ATP2C2: variants seen among roughly 807,000 people sequenced by gnomAD.
The protein encoded by ATP2C2 is calcium-transporting ATPase type 2C member 2.
In ATP2C2, 171 loss-of-function variants were observed where a neutral mutation model predicts 110.8. The observed-to-expected ratio is 1.54, with a 90% CI of 1.36 to 1.75. The LOEUF (loss-of-function observed/expected upper bound fraction) is 1.75. Ranked by LOEUF, ATP2C2 falls within the 40% of genes most tolerant of loss-of-function variation. ATP2C2 has a pLI of 0.00. For synonymous variants in ATP2C2, 804 were observed against 508.4 expected, an observed-to-expected ratio of 1.58 and a Z score of -7.82; for missense variants, 1,963 against 1,235.0, an observed-to-expected ratio of 1.59 and a Z score of -8.84.
intron 6 of ATP2C2, among the ~76,000 whole-genome samples, chr16:84,412,385 TATGTGTCTGTGTGTGTCTGTGC>T (rs1328717133): frequency 2.8e-3 from 108 of 38,378 alleles, no homozygotes; most frequent in Non-Finnish European, 6.6e-3. Flanking sequence ...CGTGTGTGTA[TATGTGTCTGTGTGTGTCTGTGC>T]ATGTGTCTGT....
chr16:84,411,371 C>T lies in ATP2C2; in HGVS notation c.515+606C>T, dbSNP rs1597786864. 2.6e-5 allele frequency among the ~76,000 whole-genome samples: 4 copies of T among 152,304 alleles called. No homozygotes were observed. In the East Asian group the frequency reaches 7.7e-4, roughly 29 times the overall value. ...ATGGCCCTTTCTGCTTAGCGTAGCC[C>T]TGTGTGATAGAACTTGCAGGAAATG... is the stretch of plus-strand genomic sequence containing the variant. On this transcript the variant is annotated intron_variant, in intron 6 of 26. Coordinates refer to ENST00000262429, the MANE Select transcript of ATP2C2 (RefSeq NM_014861.4).
chr16:84,410,823 A>G, intron 6 of ATP2C2, 58 bp downstream of exon 6: 1 of 1,526,344 alleles, frequency 6.6e-7, no homozygotes, highest in South Asian at 1.1e-5. Context: ...GGAGCTGGAG[A>G]GTTTGGCAAA....
At chr16:84,460,240 C>G (rs922645153) in intron 23 of ATP2C2, 1 of 244,564 alleles carries the variant, frequency 4.1e-6, no homozygotes, top group Non-Finnish European at 8.1e-6. Flanking sequence ...TGCTGCGGGT[C>G]TAGCCTCAAC....
Position 84,462,069 on chromosome 16 carries a change from G to A in ATP2C2, c.2662G>A (p.Ala888Thr), listed in dbSNP as rs759665836. Residue 888 changes from alanine to threonine, a missense_variant, in exon 26 of 27, where the codon GCG (alanine) becomes ACG (threonine). Transcript: ENST00000262429. ...SVLGSILGQL[A>T]VIYIPPLQRV... ...CCTGGGGTCCATCCTGGGGCAGCTG[G>A]CGGTCATTTACATCCCCCCGCTGCA... 6.2e-7 allele frequency: 1 copy of A among 1,614,072 alleles called. No homozygotes were observed. Among genetic ancestry groups the A allele is most frequent in the Non-Finnish European group, 8.5e-7 (1 of 1,179,966 alleles).
intron 7 of ATP2C2, among the ~76,000 whole-genome samples, chr16:84,416,328 G>A (rs1410848431): frequency 6.6e-6 from 1 of 152,190 alleles, no homozygotes; most frequent in African/African-American, 2.4e-5. Flanking sequence ...TTGTTGATGG[G>A]AGTAATCTAT....
At chr16:84,442,335 C>G (rs546135216) in intron 14 of ATP2C2, among the ~76,000 whole-genome samples, 175 bp from the exon 15 acceptor site, 3 of 152,294 alleles carry the variant, frequency 2.0e-5, no homozygotes, top group Admixed American at 6.5e-5. Context: ...AACCAACATT[C>G]AGCACAGCCA....
In ATP2C2 at chr16:84,410,623, C is replaced by A; in HGVS notation, c.453+20C>A. On this transcript the variant is annotated intron_variant, in intron 5 of 26. Transcript: ENST00000262429. ...ATCCAGGTGAGTATTTCCTGAGGTC[C>A]CAGTCAGGGTAAGCTGGGCGGGACA... The A allele has an allele frequency of 1.2e-6, 2 of 1,614,004 alleles. No homozygotes were observed. Among genetic ancestry groups the A allele is most frequent in the Non-Finnish European group, 1.7e-6 (2 of 1,179,942 alleles).
At chr16:84,377,734 G>T (rs1350489342) in intron 1 of ATP2C2, among the ~76,000 whole-genome samples, 2 of 151,180 alleles carry the variant, frequency 1.3e-5, no homozygotes, top group Non-Finnish European at 2.9e-5. Flanking sequence ...TGGGAATGGT[G>T]GGGGGGTTGG....
intron 6 of ATP2C2, 113 bp downstream of exon 6, chr16:84,410,878 C>G: frequency 9.4e-7 from 1 of 1,068,758 alleles, no homozygotes; most frequent in South Asian, 1.4e-5. Context: ...ACAAGAGAAC[C>G]ACATCTCACT....
intron 3 of ATP2C2, among the ~76,000 whole-genome samples, chr16:84,406,817 C>A (rs1597778730): frequency 6.6e-6 from 1 of 152,118 alleles, no homozygotes; most frequent in African/African-American, 2.4e-5. Flanking sequence ...CCCTGGCACC[C>A]CTTCCACTAG....
intron 15 of ATP2C2, among the ~76,000 whole-genome samples, chr16:84,444,178 A>AAAC (rs1909533805): frequency 8.6e-6 from 1 of 116,192 alleles, no homozygotes; most frequent in Admixed American, 9.4e-5. Context: ...AAAAAAAAAA[A>AAAC]AAAAAACAAA....
At chr16:84,450,614 C>G (rs1288691849) in intron 17 of ATP2C2, among the ~76,000 whole-genome samples, 2 of 152,142 alleles carry the variant, frequency 1.3e-5, no homozygotes, top group African/African-American at 4.8e-5. Context: ...GCGCCAGCGT[C>G]ATTGGCGCAG....
At chr16:84,376,997 C>T (rs16963534) in intron 1 of ATP2C2, among the ~76,000 whole-genome samples, 4,664 of 152,252 alleles carry the variant, frequency 0.031, 223 homozygotes, top group African/African-American at 0.11. Flanking sequence ...GATCTGTGGA[C>T]GCTTCAGAGG....
chr16:84,462,944 T>TCCTC (rs1911531886), intron 26 of ATP2C2: 1 of 153,444 alleles, frequency 6.5e-6, no homozygotes, highest in Admixed American at 6.5e-5. Flanking sequence ...ACTGGGATGG[T>TCCTC]CAACTCTGCC....
intron 1 of ATP2C2, among the ~76,000 whole-genome samples, chr16:84,379,301 C>T (rs1036409925): frequency 4.6e-5 from 7 of 152,066 alleles, no homozygotes; most frequent in East Asian, 1.9e-4. Flanking sequence ...TCCCACCTCC[C>T]GAATAGCTGG....
At chr16:84,455,608 G>T (rs964238719) in intron 21 of ATP2C2, among the ~76,000 whole-genome samples, 2 of 151,766 alleles carry the variant, frequency 1.3e-5, no homozygotes, top group South Asian at 2.1e-4. Context: ...TAAGCTAATC[G>T]CAGTGGTTAG....
intron 6 of ATP2C2, among the ~76,000 whole-genome samples, chr16:84,412,277 C>A (rs72804693): frequency 2.7e-5 from 3 of 111,992 alleles, no homozygotes; most frequent in African/African-American, 9.3e-5. Context: ...TATGTGTGTA[C>A]GTGTGTGCAC....
intron 15 of ATP2C2, among the ~76,000 whole-genome samples, chr16:84,445,452 C>T (rs1405271752): frequency 1.3e-5 from 2 of 152,184 alleles, no homozygotes; most frequent in African/African-American, 4.8e-5. Context: ...CCGTGATCCA[C>T]CCGCCTCGGC....
intron 1 of ATP2C2, among the ~76,000 whole-genome samples, chr16:84,392,447 G>A (rs532466365): frequency 3.9e-5 from 6 of 152,114 alleles, no homozygotes; most frequent in African/African-American, 1.2e-4. Context: ...GGTTCTCTGC[G>A]TCTGCACGTT....
Sources: gnomAD v4.1 joint callset for allele counts (sites outside exome capture counted in the v4.1 genomes callset) on GRCh38, gnomAD v4.1.1 for gene constraint, MANE v1.5 for transcripts, NCBI Gene and HGNC (gene_info 2026-07-23, HGNC 2026-07-21) for gene names.